Variants in MYO1D observed in about 807,000 individuals in gnomAD.
The protein encoded by MYO1D is myosin ID.
A neutral mutation model predicts 122.0 loss-of-function variants in MYO1D; 83 were observed. That is an observed-to-expected ratio of 0.68 (90% CI 0.57 to 0.82). The LOEUF is 0.82. Among genes scored for constraint, MYO1D ranks in the 40% least tolerant of loss-of-function variants. The pLI is 0.00. For synonymous variants in MYO1D, 464 were observed against 446.9 expected, an observed-to-expected ratio of 1.04 and a Z score of -0.48; for missense variants, 1,157 against 1,269.5, an observed-to-expected ratio of 0.91 and a Z score of 1.35.
chr17:32,781,420 T>C (rs1047714554), intron 1 of MYO1D, among the ~76,000 whole-genome samples: 1 of 152,194 alleles, frequency 6.6e-6, no homozygotes, highest in Non-Finnish European at 1.5e-5. Flanking sequence ...TCTTGATACA[T>C]AATCTTACAG....
At chr17:32,636,834 A>C (rs2088106632) in intron 20 of MYO1D, among the ~76,000 whole-genome samples, 1 of 152,226 alleles carries the variant, frequency 6.6e-6, no homozygotes, top group South Asian at 2.1e-4. Context: ...CAGGTTTGGC[A>C]GCCTGAGGGC....
chr17:32,771,190 G>A lies in MYO1D; in HGVS notation c.649C>T (p.Arg217Cys), dbSNP rs374625906. Residue 217 changes from arginine (R) to cysteine (C), a missense_variant, in exon 6 of 22, where the codon CGC becomes TGC. Transcript: ENST00000318217. ...LLQGGSEQML[R>C]SLHLQKSLSS... ...AGGGATTTCTGGAGATGTAGAGAGCGTAGCATTTGTTCTGAACCTCCTTGG... is the reference window on the plus strand; with the variant it reads ...AGGGATTTCTGGAGATGTAGAGAGCATAGCATTTGTTCTGAACCTCCTTGG... The A allele has an allele frequency of 2.2e-5, 36 of 1,611,276 alleles. No individual in the cohort carries two copies. The highest frequency in any genetic ancestry group is 1.5e-4 in the Admixed American group (9 of 59,962).
chr17:32,638,174 A>G (rs1228643129), intron 20 of MYO1D, among the ~76,000 whole-genome samples: 1 of 152,222 alleles, frequency 6.6e-6, no homozygotes, highest in East Asian at 1.9e-4. Flanking sequence ...TTGCGATTCA[A>G]GGAGATACCC....
chr17:32,856,216 A>T (rs2091026568), intron 1 of MYO1D, among the ~76,000 whole-genome samples: 1 of 152,074 alleles, frequency 6.6e-6, no homozygotes, highest in Admixed American at 6.6e-5. Context: ...TTTCCACAAA[A>T]AGCATAGGAG....
At chr17:32,861,302 G>A (rs2470222) in intron 1 of MYO1D, among the ~76,000 whole-genome samples, 61,827 of 151,648 alleles carry the variant, frequency 0.41, 12,926 homozygotes, top group East Asian at 0.53. Context: ...TCCTGACCTC[G>A]TGATCCACCC....
intron 21 of MYO1D, chr17:32,519,379 A>C (rs968396679): frequency 6.6e-6 from 1 of 152,534 alleles, no homozygotes; most frequent in Non-Finnish European, 1.5e-5. Context: ...CCGGGGCGAC[A>C]AAGGAAAGGC....
chr17:32,525,800 G>A (rs181656497), intron 21 of MYO1D, among the ~76,000 whole-genome samples: 10 of 152,198 alleles, frequency 6.6e-5, no homozygotes, highest in African/African-American at 4.8e-5. Context: ...GCTCCCTGGC[G>A]CTACCTTCAG....
intron 20 of MYO1D, among the ~76,000 whole-genome samples, chr17:32,606,586 T>C (rs1228971163): frequency 6.6e-6 from 1 of 152,144 alleles, no homozygotes; most frequent in African/African-American, 2.4e-5. Context: ...AATGACAGGA[T>C]AACAAAGAAA....
chr17:32,608,096 AT>A (rs879327622), intron 20 of MYO1D, among the ~76,000 whole-genome samples: 2 of 152,240 alleles, frequency 1.3e-5, no homozygotes, highest in Admixed American at 6.5e-5. Flanking sequence ...CTTAGAAATG[AT>A]ACCAAAAGCA....
At chr17:32,600,759 G>GT (rs963582381) in intron 21 of MYO1D, among the ~76,000 whole-genome samples, 2 of 152,122 alleles carry the variant, frequency 1.3e-5, no homozygotes, top group East Asian at 1.9e-4. Flanking sequence ...AACTTTCTCC[G>GT]TATCAGCAAT....
At chr17:32,677,272 T>C (rs1312774474) in intron 16 of MYO1D, among the ~76,000 whole-genome samples, 2 of 152,174 alleles carry the variant, frequency 1.3e-5, no homozygotes, top group Admixed American at 6.5e-5. Flanking sequence ...TGAATCATAA[T>C]GAGCAGAGAG....
At chr17:32,785,622 T>C (rs1361895297) in intron 1 of MYO1D, among the ~76,000 whole-genome samples, 1 of 152,202 alleles carries the variant, frequency 6.6e-6, no homozygotes, top group Non-Finnish European at 1.5e-5. Flanking sequence ...AACTGCTAAA[T>C]TCACTGGTTG....
chr17:32,806,177 G>A (rs931539232), intron 1 of MYO1D, among the ~76,000 whole-genome samples: 3 of 152,102 alleles, frequency 2.0e-5, no homozygotes, highest in African/African-American at 7.2e-5. Context: ...AGAATCACTT[G>A]AACTCAGGAG....
chr17:32,807,960 C>T (rs2090532492), intron 1 of MYO1D, among the ~76,000 whole-genome samples: 1 of 152,182 alleles, frequency 6.6e-6, no homozygotes, highest in South Asian at 2.1e-4. Flanking sequence ...TCAGCCCCTA[C>T]TGATGTACTT....
At position 32,789,746 on chromosome 17, in the gene MYO1D, TAGA is replaced by T. The variant is rs1258350159; in HGVS notation, c.96-8965_96-8963del. Reference sequence around the variant, plus strand: ...ACTGTGCAATGACAGAGGCAGAGACTAGAAGAAGAATGCAGCCACAAGTCAAGC... The same window carrying T: ...ACTGTGCAATGACAGAGGCAGAGACTAGAAGAATGCAGCCACAAGTCAAGC... On this transcript the variant is annotated intron_variant, in intron 1 of 21. Transcript: ENST00000318217. Among the ~76,000 whole-genome samples the T allele has an allele frequency of 3.3e-5, 5 of 152,244 alleles. No individual in the cohort carries two copies. The East Asian group carries it at 7.7e-4, about 24-fold the overall frequency.
chr17:32,734,032 T>C (rs992983212), intron 14 of MYO1D, among the ~76,000 whole-genome samples: 3 of 152,238 alleles, frequency 2.0e-5, no homozygotes, highest in African/African-American at 7.2e-5. Context: ...AGTTGAGTAG[T>C]TGCCTCTCTT....
intron 1 of MYO1D, among the ~76,000 whole-genome samples, chr17:32,847,115 T>C (rs1459715258): frequency 6.6e-6 from 1 of 152,234 alleles, no homozygotes; most frequent in African/African-American, 2.4e-5. Context: ...TACCTGAATT[T>C]AGTAATTTAA....
intron 16 of MYO1D, among the ~76,000 whole-genome samples, chr17:32,710,201 G>C (rs2089357943): frequency 6.6e-6 from 1 of 152,070 alleles, no homozygotes; most frequent in Admixed American, 6.6e-5. Flanking sequence ...TGTTGCATTA[G>C]TGCAAAAACA....
chr17:32,874,625 T>C (rs969649488), intron 1 of MYO1D, among the ~76,000 whole-genome samples: 1 of 152,156 alleles, frequency 6.6e-6, no homozygotes, highest in African/African-American at 2.4e-5. Flanking sequence ...CACAGTAGAA[T>C]TAAATTGCAG....
Sources: gnomAD v4.1 joint callset for allele counts (sites outside exome capture counted in the v4.1 genomes callset) on GRCh38, gnomAD v4.1.1 for gene constraint, MANE v1.5 for transcripts, NCBI Gene and HGNC (gene_info 2026-07-23, HGNC 2026-07-21) for gene names.